Variants in SMARCA4 observed in about 807,000 individuals in gnomAD.
SMARCA4 encodes SWI/SNF related BAF chromatin remodeling complex subunit ATPase 4.
SMARCA4 carries 31 observed loss-of-function variants against 193.9 expected under a neutral mutation model. That is an observed-to-expected ratio of 0.16 (90% CI 0.12 to 0.22). SMARCA4 has a LOEUF of 0.22. SMARCA4 is among the 10% of genes least tolerant of loss of function. SMARCA4 has a pLI of 1.00. For synonymous variants in SMARCA4, 942 were observed against 933.1 expected, an observed-to-expected ratio of 1.01 and a Z score of -0.17; for missense variants, 1,148 against 2,296.0, an observed-to-expected ratio of 0.50 and a Z score of 10.22.
In SMARCA4 at chr19:11,033,056, A is replaced by G; in HGVS notation, c.3547-234A>G. 1 of 609,712 alleles carries G rather than the reference A, an allele frequency of 1.6e-6. No individual in the cohort carries two copies. The highest frequency in any genetic ancestry group is 3.0e-6 in the Non-Finnish European group (1 of 337,308). 37.8% of individuals were successfully genotyped at this position (609,712 alleles called of 1,614,324 possible). On this transcript the variant is annotated intron_variant, in intron 25 of 34. Coordinates refer to ENST00000344626, the MANE Select transcript of SMARCA4 (RefSeq NM_003072.5). The surrounding 1 kb of genome is among the most constrained non-coding windows in gnomAD (Gnocchi z 9.8). ...TCCCGAATATCTGTGGGGTCCCAATAAGGTAGAAGGTGGCACTTCTGGAGG... is the reference window on the plus strand; with the variant it reads ...TCCCGAATATCTGTGGGGTCCCAATGAGGTAGAAGGTGGCACTTCTGGAGG...
chr19:10,982,787 A>T (rs1209333505), intron 1 of SMARCA4, among the ~76,000 whole-genome samples: 1 of 152,168 alleles, frequency 6.6e-6, no homozygotes, highest in Non-Finnish European at 1.5e-5. Flanking sequence ...TACAGGCGTG[A>T]GCCACCGCGC....
chr19:10,988,221 A>G (rs2086241002), intron 6 of SMARCA4, among the ~76,000 whole-genome samples: 1 of 152,078 alleles, frequency 6.6e-6, no homozygotes, highest in Non-Finnish European at 1.5e-5. Flanking sequence ...CCTGGCTTCA[A>G]GCGATTCTTC....
At chr19:10,972,563 C>T (rs534389670) in intron 1 of SMARCA4, among the ~76,000 whole-genome samples, 8 of 152,230 alleles carry the variant, frequency 5.3e-5, no homozygotes, top group Non-Finnish European at 1.0e-4. Flanking sequence ...CAGCGCTGTT[C>T]GTATTTGGGG....
At chr19:10,983,751 G>C (rs887554483) in intron 1 of SMARCA4, 1 of 271,264 alleles carries the variant, frequency 3.7e-6, no homozygotes, top group Non-Finnish European at 7.3e-6. Context: ...GGCTATTTGA[G>C]CTATAGTCCT....
intron 11 of SMARCA4, among the ~76,000 whole-genome samples, chr19:10,997,852 A>G (rs1332996833): frequency 2.0e-5 from 3 of 152,178 alleles, no homozygotes; most frequent in Non-Finnish European, 4.4e-5. Flanking sequence ...TATCTACTTC[A>G]TAAAGACAAG....
In SMARCA4 at chr19:11,030,092, C is replaced by T. The variant is rs537930299; in HGVS notation, c.3383-638C>T. On this transcript the variant is annotated intron_variant, in intron 24 of 34. Transcript: ENST00000344626. This position sits in a 1 kb window ranked among gnomAD's most constrained non-coding sequence, Gnocchi z 5.5. The stretch of plus-strand genomic sequence containing the variant: ...TTAATGCCCACAACGCTGAGGGCAT[C>T]GTGGGTTGTCACCCAGGAGACCTGC... Among the ~76,000 whole-genome samples the T allele has an allele frequency of 1.2e-3, 187 of 152,310 alleles. No homozygotes were observed. Among genetic ancestry groups the T allele is most frequent in the Non-Finnish European group, 1.8e-3 (123 of 68,008 alleles).
At chr19:10,970,313 A>G (rs565715115) in intron 1 of SMARCA4, among the ~76,000 whole-genome samples, 4 of 152,336 alleles carry the variant, frequency 2.6e-5, no homozygotes, top group African/African-American at 7.2e-5. Flanking sequence ...TAGCAAATCA[A>G]TCAAATCGAG....
chr19:11,055,820 C>G (rs991493932), intron 30 of SMARCA4, among the ~76,000 whole-genome samples: 2 of 152,098 alleles, frequency 1.3e-5, no homozygotes, highest in Non-Finnish European at 2.9e-5. Context: ...TCTCAAACTC[C>G]TGGGCTCAAG....
chr19:10,992,258 C>T (rs1406825900), intron 8 of SMARCA4, among the ~76,000 whole-genome samples: 1 of 150,074 alleles, frequency 6.7e-6, no homozygotes, highest in Non-Finnish European at 1.5e-5. Flanking sequence ...ATTACAGGCA[C>T]CTGCCACCAT....
chr19:11,043,676 G>A (rs1445384491), intron 30 of SMARCA4, among the ~76,000 whole-genome samples: 6 of 151,876 alleles, frequency 4.0e-5, no homozygotes, highest in Admixed American at 1.3e-4. Flanking sequence ...AATAAATACA[G>A]AATACTTATT....
At position 10,987,820 on chromosome 19, in the gene SMARCA4, G is replaced by T; in HGVS notation, c.1014G>T (p.Gln338His). The change falls in exon 6 of 35, where the codon CAG (glutamine) becomes CAT (histidine). Residue 338 changes from glutamine (Q) to histidine (H), a missense_variant. Physicochemically the swap from Gln to His is conservative, Grantham distance 24. This residue lies in a region of SMARCA4 where 257 missense variants were observed against 276.5 expected (regional missense o/e 0.93). Coordinates refer to ENST00000344626, the MANE Select transcript of SMARCA4 (RefSeq NM_003072.5). The surrounding 1 kb of genome is among the most constrained non-coding windows in gnomAD (Gnocchi z 5.3). ...PQTQSPGQPA[Q>H]PAPMVPLHQK... is the part of the protein sequence containing the mutation. ...CCCAGTCCCCCGGGCAGCCGGCCCAGCCCGCGCCCATGGTGCCACTGCACC... is the reference window on the plus strand; with the variant it reads ...CCCAGTCCCCCGGGCAGCCGGCCCATCCCGCGCCCATGGTGCCACTGCACC... 6.2e-7 allele frequency: 1 copy of T among 1,606,846 alleles called. No homozygotes were observed.
intron 6 of SMARCA4, among the ~76,000 whole-genome samples, chr19:10,988,375 G>T (rs1181917724): frequency 6.6e-6 from 1 of 152,102 alleles, no homozygotes; most frequent in Non-Finnish European, 1.5e-5. Context: ...CCAAAGTGCT[G>T]GGATTACAGG....
At chr19:10,994,757 A>G in intron 8 of SMARCA4, 71 bp from the exon 9 acceptor site, 1 of 1,407,916 alleles carries the variant, frequency 7.1e-7, no homozygotes, top group East Asian at 2.3e-5. Flanking sequence ...TAGGTTTTAA[A>G]CAAGCCTTGC....
chr19:11,042,421 C>G (rs1483575035), intron 30 of SMARCA4, among the ~76,000 whole-genome samples: 4 of 152,262 alleles, frequency 2.6e-5, no homozygotes, highest in African/African-American at 7.2e-5. Context: ...AGGCCCATGC[C>G]TGGCCCAGGA....
intron 23 of SMARCA4, 24 bp from the exon 24 acceptor site, chr19:11,027,760 T>C (rs566071651): frequency 8.7e-6 from 14 of 1,613,758 alleles, no homozygotes; most frequent in South Asian, 4.4e-5. Context: ...CTGCGCCTTC[T>C]CTCCTGCCTC....
At chr19:11,043,418 T>C (rs2075731218) in intron 30 of SMARCA4, among the ~76,000 whole-genome samples, 1 of 152,206 alleles carries the variant, frequency 6.6e-6, no homozygotes, top group South Asian at 2.1e-4. Flanking sequence ...AAAAAATATA[T>C]AGACTCTAAT....
At chr19:11,050,722 C>T (rs1250412168) in intron 30 of SMARCA4, among the ~76,000 whole-genome samples, 2 of 152,268 alleles carry the variant, frequency 1.3e-5, no homozygotes, top group Non-Finnish European at 2.9e-5. Flanking sequence ...CTGCCTGAAA[C>T]ATTCTGCAGG....
In SMARCA4 at chr19:11,058,763, G is replaced by C. The variant is rs2147095851; in HGVS notation, c.4534-25G>C. On this transcript the variant is annotated intron_variant, in intron 31 of 34. Coordinates refer to ENST00000344626, the MANE Select transcript of SMARCA4 (RefSeq NM_003072.5). The surrounding 1 kb of genome is among the most constrained non-coding windows in gnomAD (Gnocchi z 5.8). ...CAGGCGAGGCGGGGTCCTGAGGTAAGACCTGCTCCTCCCGTCCACTGCAGG... is the reference window on the plus strand; with the variant it reads ...CAGGCGAGGCGGGGTCCTGAGGTAACACCTGCTCCTCCCGTCCACTGCAGG... The C allele has an allele frequency of 6.2e-7, 1 of 1,604,252 alleles. No individual in the cohort carries two copies. Among genetic ancestry groups the C allele is most frequent in the Non-Finnish European group, 8.5e-7 (1 of 1,171,190 alleles).
At chr19:11,010,606 G>T (rs2146243395) in intron 15 of SMARCA4, 75 bp downstream of exon 15, 1 of 1,444,268 alleles carries the variant, frequency 6.9e-7, no homozygotes, top group South Asian at 1.1e-5. Flanking sequence ...GCGGGCTTCA[G>T]ACCTCAGGCA....
Sources: allele counts gnomAD v4.1 joint callset (sites outside exome capture counted in the v4.1 genomes callset), GRCh38; gene constraint gnomAD v4.1.1; regional missense constraint gnomAD v4.1.1; non-coding constraint Gnocchi (gnomAD v3.1); transcripts MANE v1.5; gene names NCBI Gene and HGNC (gene_info 2026-07-23, HGNC 2026-07-21).